Variants in THSD7B observed in about 807,000 individuals in gnomAD.
THSD7B encodes the protein thrombospondin type-1 domain-containing protein 7B.
A neutral mutation model predicts 213.6 loss-of-function variants in THSD7B; 138 were observed. That is an observed-to-expected ratio of 0.65 (90% confidence interval 0.56 to 0.74). The LOEUF (loss-of-function observed/expected upper bound fraction) is 0.74. Ranked by LOEUF, THSD7B falls within the 30% of genes least tolerant of loss-of-function variation. The pLI is 0.00. For synonymous variants in THSD7B, 742 were observed against 687.0 expected (o/e 1.08, Z -1.25); for missense variants, 1,931 against 1,991.5 (o/e 0.97, Z 0.58).
At chr2:137,528,336 A>G (rs367843986) in intron 15 of THSD7B, among the ~76,000 whole-genome samples, 2 of 152,100 alleles carry the variant, frequency 1.3e-5, no homozygotes, top group East Asian at 1.9e-4. Flanking sequence ...AACTGCTGCC[A>G]TGTCATTTCA....
rs927164670 is a variant in THSD7B, at chr2:137,642,404, A to G, written c.3800-84A>G. 15 of 1,501,352 alleles carry G rather than the reference A, an allele frequency of 1.0e-5. No individual in the cohort carries two copies. In the East Asian group the frequency reaches 2.9e-4, roughly 30 times the overall value. 93.0% of individuals were successfully genotyped at this position (1,501,352 alleles called of 1,614,324 possible). A position where few individuals can be genotyped will look rare whatever the true frequency, so the allele number is the denominator to read the frequency against. The stretch of plus-strand genomic sequence containing the variant: ...GTTCAGTCTATTAAAATGAAGACTT[A>G]CATGTATAAGGCAACATTCTGTTCT... On this transcript the variant is annotated intron_variant, in intron 20 of 27. Coordinates refer to ENST00000409968, the MANE Select transcript of THSD7B (RefSeq NM_001316349.2).
Position 137,667,803 on chromosome 2 carries a change from G to A in THSD7B, c.4681G>A (p.Val1561Ile), listed in dbSNP as rs372041308. ...CCGAGTAAAAATTTGGGTTTATGGCGTTTCAGGTGGCGCTTTTCTCATCAT... is the reference window on the plus strand; with the variant it reads ...CCGAGTAAAAATTTGGGTTTATGGCATTTCAGGTGGCGCTTTTCTCATCAT... ...DGRVKIWVYG[V>I]SGGAFLIMIF... is the part of the protein sequence containing the mutation. The change falls in exon 27 of 28, where the codon GTT becomes ATT. Residue 1561 changes from valine to isoleucine, a missense_variant. Transcript: ENST00000409968. 4.3e-5 allele frequency: 69 copies of A among 1,606,438 alleles called. 1 individual carries two copies. Among genetic ancestry groups the A allele is most frequent in the Middle Eastern group, 1.7e-4 (1 of 6,048 alleles).
At chr2:136,884,739 A>G (rs1304168661) in intron 2 of THSD7B, among the ~76,000 whole-genome samples, 1 of 152,210 alleles carries the variant, frequency 6.6e-6, no homozygotes, top group African/African-American at 2.4e-5. Context: ...ACATAGGCCA[A>G]CCTCATCTTT....
At chr2:136,949,335 C>G (rs997764997) in intron 2 of THSD7B, among the ~76,000 whole-genome samples, 2 of 152,142 alleles carry the variant, frequency 1.3e-5, no homozygotes, top group African/African-American at 4.8e-5. Flanking sequence ...TCTGCTTCAG[C>G]CTTTGTGTGA....
chr2:137,385,095 C>CCCCTGCTGGCTGCCACAGA, intron 12 of THSD7B, among the ~76,000 whole-genome samples: 1 of 152,242 alleles, frequency 6.6e-6, no homozygotes, highest in East Asian at 1.9e-4. Flanking sequence ...AGAGCCAAGG[C>CCCCTGCTGGCTGCCACAGA]CCCTGCTGGC....
In THSD7B at chr2:137,374,451, T is replaced by G. The variant is rs190840949; in HGVS notation, c.2501-31162T>G. On this transcript the variant is annotated intron_variant, in intron 12 of 27. Coordinates refer to ENST00000409968, the MANE Select transcript of THSD7B (RefSeq NM_001316349.2). The stretch of plus-strand genomic sequence containing the variant: ...GTGTTTAGCACTCACTTATAAAGTT[T>G]TAGTGCAGTTATAGAAGGACGTGAA... Among the ~76,000 whole-genome samples, 116 of 152,326 alleles carry G rather than the reference T, an allele frequency of 7.6e-4. 2 individuals are homozygous for G. Among genetic ancestry groups the G allele is most frequent in the Middle Eastern group, 6.8e-3 (2 of 294 alleles).
chr2:137,519,813 C>A (rs1573681198), intron 15 of THSD7B, among the ~76,000 whole-genome samples: 1 of 152,296 alleles, frequency 6.6e-6, no homozygotes, highest in East Asian at 1.9e-4. Flanking sequence ...ATTTCACATT[C>A]TTCTTAGAAT....
chr2:136,819,706 G>A (rs933375862), intron 1 of THSD7B, among the ~76,000 whole-genome samples: 2 of 152,116 alleles, frequency 1.3e-5, no homozygotes, highest in African/African-American at 4.8e-5. Context: ...GTCCAGCTGA[G>A]GCTGAACTGA....
chr2:137,633,271 A>G (rs1298322633), intron 20 of THSD7B, among the ~76,000 whole-genome samples: 1 of 152,218 alleles, frequency 6.6e-6, no homozygotes, highest in African/African-American at 2.4e-5. Context: ...TTAACTGAGC[A>G]TTTTATACAC....
intron 5 of THSD7B, among the ~76,000 whole-genome samples, chr2:137,133,652 T>A (rs1376435383): frequency 1.3e-5 from 2 of 152,180 alleles, no homozygotes; most frequent in Non-Finnish European, 2.9e-5. Context: ...GTTACAAATG[T>A]GAATGACATA....
intron 10 of THSD7B, among the ~76,000 whole-genome samples, chr2:137,259,995 C>T (rs1035793744): frequency 7.9e-5 from 12 of 152,014 alleles, no homozygotes; most frequent in African/African-American, 2.7e-4. Context: ...TTCTCTTATC[C>T]AGTAAATCCC....
chr2:137,463,508 A>G (rs536544912), intron 15 of THSD7B, among the ~76,000 whole-genome samples: 7 of 150,380 alleles, frequency 4.7e-5, no homozygotes, highest in Non-Finnish European at 1.0e-4. Context: ...ACCTTCCATC[A>G]CTCCCCCCAT....
At chr2:137,593,145 G>A (rs982583951) in intron 17 of THSD7B, among the ~76,000 whole-genome samples, 1 of 151,828 alleles carries the variant, frequency 6.6e-6, no homozygotes, top group African/African-American at 2.4e-5. Flanking sequence ...TAGGATTATA[G>A]CATCATTTAT....
chr2:137,145,124 G>C (rs1030718047), intron 5 of THSD7B, among the ~76,000 whole-genome samples: 1 of 152,088 alleles, frequency 6.6e-6, no homozygotes, highest in Non-Finnish European at 1.5e-5. Context: ...GGTCATGCAA[G>C]TGGCAACTCA....
chr2:137,602,244 C>T (rs865860824), intron 17 of THSD7B, among the ~76,000 whole-genome samples: 2 of 151,948 alleles, frequency 1.3e-5, no homozygotes, highest in African/African-American at 4.8e-5. Context: ...CATTTATTTT[C>T]TTTCTCGTTT....
At chr2:137,360,514 T>C (rs1040064547) in intron 12 of THSD7B, among the ~76,000 whole-genome samples, 1 of 152,144 alleles carries the variant, frequency 6.6e-6, no homozygotes, top group African/African-American at 2.4e-5. Flanking sequence ...GCCACCTAAA[T>C]ACTGCACTAT....
chr2:137,009,443 A>C (rs556856539), intron 2 of THSD7B, among the ~76,000 whole-genome samples: 1 of 150,910 alleles, frequency 6.6e-6, no homozygotes, highest in Non-Finnish European at 1.5e-5. Flanking sequence ...AGTCAGAAAA[A>C]CCTCCTCCCC....
intron 6 of THSD7B, among the ~76,000 whole-genome samples, chr2:137,163,452 G>C (rs1011942610): frequency 6.6e-6 from 1 of 152,176 alleles, no homozygotes; most frequent in Non-Finnish European, 1.5e-5. Flanking sequence ...AGAGGAGAGT[G>C]CCATGTGAGG....
At chr2:136,904,154 G>A (rs1378828312) in intron 2 of THSD7B, among the ~76,000 whole-genome samples, 15 of 152,102 alleles carry the variant, frequency 9.9e-5, no homozygotes, top group Middle Eastern at 3.2e-3. Context: ...AGTGTGTAGC[G>A]AGAATATTAG....
Sources: allele counts gnomAD v4.1 joint callset (sites outside exome capture counted in the v4.1 genomes callset), GRCh38; gene constraint gnomAD v4.1.1; transcripts MANE v1.5; gene names NCBI Gene and HGNC (gene_info 2026-07-23, HGNC 2026-07-21).